The following BMP8A variants were observed in gnomAD, a reference collection of about 807,000 sequenced individuals.
The protein encoded by BMP8A is BMP-8A.
In BMP8A, 14 loss-of-function variants were observed where a neutral mutation model predicts 36.8. The observed-to-expected ratio is 0.38, with a 90% CI of 0.25 to 0.60. BMP8A has a LOEUF of 0.60. BMP8A is among the 20% of genes least tolerant of loss of function. The pLI is 0.63. For missense variants in BMP8A, 267 were observed against 551.1 expected (o/e 0.48, Z 5.16); for synonymous variants, 120 against 237.7 (o/e 0.50, Z 4.55).
intron 1 of BMP8A, among the ~76,000 whole-genome samples, chr1:39,503,508 C>CT (rs35892449): frequency 0.019 from 1,319 of 70,008 alleles, 134 homozygotes; most frequent in African/African-American, 0.044. Context: ...TACAGTCTTT[C>CT]TTTTTTTTTT....
chr1:39,503,091 GTCT>G (rs1645266188), intron 1 of BMP8A, among the ~76,000 whole-genome samples: 1 of 152,018 alleles, frequency 6.6e-6, no homozygotes, highest in Non-Finnish European at 1.5e-5. Flanking sequence ...GAAAGGACAA[GTCT>G]TCCTTTCAAA....
chr1:39,491,762 C>A lies in BMP8A; in HGVS notation c.-230C>A. 5.1e-6 allele frequency: 1 copy of A among 197,940 alleles called. No homozygotes were observed. The highest frequency in any genetic ancestry group is 9.5e-6 in the Non-Finnish European group (1 of 105,068). The allele number at this position is 197,940 out of a possible 1,614,324, so 12.3% of individuals were successfully genotyped here. A position where few individuals can be genotyped will look rare whatever the true frequency, so the allele number is the denominator to read the frequency against. ...TGACAGTCCCAGCCCTCAGAACAGC[C>A]CCGGCCTCGAAGCGTTGGCGTCTGC... On this transcript the variant is annotated 5_prime_UTR_variant, in exon 1 of 7. Transcript: ENST00000331593.
chr1:39,497,168 A>C (rs974370274), intron 1 of BMP8A, among the ~76,000 whole-genome samples: 16 of 152,298 alleles, frequency 1.1e-4, no homozygotes, highest in African/African-American at 3.9e-4. Flanking sequence ...ACCACAGTCC[A>C]TCCATTGTTA....
At chr1:39,508,951 T>C (rs1645326702) in intron 1 of BMP8A, among the ~76,000 whole-genome samples, 1 of 152,168 alleles carries the variant, frequency 6.6e-6, no homozygotes, top group Admixed American at 6.5e-5. Flanking sequence ...GGAACTCAGG[T>C]CGGTTCAGTT....
chr1:39,505,984 TC>T (rs774511432), intron 1 of BMP8A, among the ~76,000 whole-genome samples: 436 of 7,478 alleles, frequency 0.058, 33 homozygotes, highest in African/African-American at 0.11. Flanking sequence ...AGACCCTGTC[TC>T]CAAAAAAAAA....
intron 1 of BMP8A, among the ~76,000 whole-genome samples, chr1:39,501,086 G>A (rs1436443433): frequency 6.6e-6 from 1 of 152,246 alleles, no homozygotes; most frequent in Non-Finnish European, 1.5e-5. Flanking sequence ...TACAAAGAGA[G>A]CATGTGGTGA....
In BMP8A at chr1:39,497,216, C is replaced by T. The variant is rs191793104; in HGVS notation, c.334+4891C>T. 3.3e-3 allele frequency among the ~76,000 whole-genome samples: 508 copies of T among 152,314 alleles called. 2 individuals are homozygous for T. The highest frequency in any genetic ancestry group is 0.012 in the African/African-American group (490 of 41,568). On this transcript the variant is annotated intron_variant, in intron 1 of 6. Coordinates refer to ENST00000331593, the MANE Select transcript of BMP8A (RefSeq NM_181809.4). ...TTGTTCTGAACACTTTTATCCACAT[C>T]CCTCTGTGGATATATTAAAGCAGGG...
intron 6 of BMP8A, chr1:39,523,913 C>T (rs553517242): frequency 4.4e-5 from 10 of 224,882 alleles, no homozygotes; most frequent in African/African-American, 1.6e-4. Context: ...TCGCAGCACA[C>T]GAGCCCAGAA....
chr1:39,502,027 C>T (rs1570281175), intron 1 of BMP8A, among the ~76,000 whole-genome samples: 2 of 151,776 alleles, frequency 1.3e-5, no homozygotes, highest in Admixed American at 1.3e-4. Flanking sequence ...ATCATGAGGT[C>T]GGGAGTTCAA....
chr1:39,503,992 A>G (rs927509485), intron 1 of BMP8A, among the ~76,000 whole-genome samples: 2 of 152,258 alleles, frequency 1.3e-5, no homozygotes, highest in African/African-American at 4.8e-5. Context: ...TTTATTATTT[A>G]CAAAATGAAA....
chr1:39,495,029 G>T (rs1333965516), intron 1 of BMP8A, among the ~76,000 whole-genome samples: 2 of 150,856 alleles, frequency 1.3e-5, no homozygotes, highest in East Asian at 1.9e-4. Context: ...CGGGGTGGGT[G>T]GGGGGTGGAT....
intron 1 of BMP8A, among the ~76,000 whole-genome samples, chr1:39,498,627 G>A (rs1033291011): frequency 6.6e-6 from 1 of 152,204 alleles, no homozygotes; most frequent in Non-Finnish European, 1.5e-5. Flanking sequence ...ATTTCTGGGT[G>A]GGAGAAGCCC....
At chr1:39,495,184 C>T (rs1645194918) in intron 1 of BMP8A, among the ~76,000 whole-genome samples, 1 of 152,252 alleles carries the variant, frequency 6.6e-6, no homozygotes, top group Admixed American at 6.5e-5. Flanking sequence ...CTCCACCTCT[C>T]CTATCAGCCT....
At chr1:39,508,250 C>CAA (rs59060705) in intron 1 of BMP8A, among the ~76,000 whole-genome samples, 1 of 136,784 alleles carries the variant, frequency 7.3e-6, no homozygotes, top group Non-Finnish European at 1.6e-5. Context: ...GACTCCGTCT[C>CAA]AAAAAAAAAA....
intron 1 of BMP8A, 70 bp downstream of exon 1, chr1:39,492,395 G>C (rs1411099895): frequency 1.4e-6 from 2 of 1,413,070 alleles, no homozygotes; most frequent in Admixed American, 2.9e-5. Flanking sequence ...GCATCCGCGG[G>C]CGGTGCCGGG....
rs771412994 is a variant in BMP8A at position 39,523,024 on chromosome 1, C to T, written c.966C>T (p.Pro322=). The change falls in exon 6 of 7, where the codon CCC becomes CCT. Residue 322 remains proline, a synonymous_variant. Coordinates refer to ENST00000331593, the MANE Select transcript of BMP8A (RefSeq NM_181809.4). ...CCCCCCAGGACTGGGTCATCGCCCC[C>T]CAAGGCTACTCAGCCTATTACTGTG... The part of the protein sequence containing the change: ...DLGWLDWVIA[P]QGYSAYYCEG... 1.2e-6 allele frequency: 2 copies of T among 1,612,446 alleles called. No homozygotes were observed. The highest frequency in any genetic ancestry group is 1.7e-6 in the Non-Finnish European group (2 of 1,179,070).
Position 39,526,164 on chromosome 1 carries a change from G to T in BMP8A, c.*366G>T, listed in dbSNP as rs576647425. 4.4e-4 allele frequency among the ~76,000 whole-genome samples: 67 copies of T among 152,316 alleles called. No homozygotes were observed. The highest frequency in any genetic ancestry group is 1.5e-3 in the African/African-American group (62 of 41,558). On this transcript the variant is annotated 3_prime_UTR_variant, in exon 7 of 7. Transcript: ENST00000331593. The stretch of plus-strand genomic sequence containing the variant: ...TTTCTCCATTCACCAGAGGGTTTAG[G>T]TGTGAGGAGAAGGGCTCTGCCTCTT...
Position 39,491,977 on chromosome 1 carries a change from C to T in BMP8A, c.-15C>T. 1 of 1,076,534 alleles carries T rather than the reference C, an allele frequency of 9.3e-7. No individual in the cohort carries two copies. The highest frequency in any genetic ancestry group is 1.1e-6 in the Non-Finnish European group (1 of 889,454). 66.7% of individuals were successfully genotyped at this position (1,076,534 alleles called of 1,614,324 possible). On this transcript the variant is annotated 5_prime_UTR_variant, in exon 1 of 7. Coordinates refer to ENST00000331593, the MANE Select transcript of BMP8A (RefSeq NM_181809.4). ...GCGGAGCTGATGTGCGCCCGCTGAG[C>T]GCCCCCGGCCCGCCATGGCCGCGCG...
chr1:39,515,634 G>T lies in BMP8A; in HGVS notation c.673+3730G>T, dbSNP rs553653734. The T allele has an allele frequency of 5.2e-4, 810 of 1,568,048 alleles. 78 individuals carry two copies. The highest frequency in any genetic ancestry group is 2.0e-3 in the Admixed American group (117 of 57,482). ...AGGAAACGTGGTCTTCAGGAGAAGC[G>T]CCCGCAATTTCAACGTGCCCATGTG... On this transcript the variant is annotated intron_variant, in intron 3 of 6. Coordinates refer to ENST00000331593, the MANE Select transcript of BMP8A (RefSeq NM_181809.4).
Sources: gnomAD v4.1 joint callset for allele counts (sites outside exome capture counted in the v4.1 genomes callset) on GRCh38, gnomAD v4.1.1 for gene constraint, MANE v1.5 for transcripts, NCBI Gene and HGNC (gene_info 2026-07-23, HGNC 2026-07-21) for gene names.